The following SLC8A1 variants were observed in gnomAD, a reference collection of about 807,000 sequenced individuals.
SLC8A1 encodes sodium/calcium exchanger 1.
In SLC8A1, 18 loss-of-function variants were observed where a neutral mutation model predicts 68.3. The ratio of observed to expected loss-of-function variants is 0.26; its 90% CI spans 0.18 to 0.39. The LOEUF (loss-of-function observed/expected upper bound fraction) is 0.39. Ranked by LOEUF, SLC8A1 falls within the 10% of genes least tolerant of loss-of-function variation. The pLI, the probability that SLC8A1 is intolerant of heterozygous loss-of-function variation, is 1.00. For missense variants in SLC8A1, 985 were observed against 1,156.7 expected (o/e 0.85, Z 2.15); for synonymous variants, 475 against 415.5 (o/e 1.14, Z -1.74).
intron 2 of SLC8A1, among the ~76,000 whole-genome samples, chr2:40,259,150 C>A (rs1451424966): frequency 6.6e-6 from 1 of 152,012 alleles, no homozygotes; most frequent in Non-Finnish European, 1.5e-5. Flanking sequence ...TGAAATGGAC[C>A]CTAGAGGTAA....
At chr2:40,397,068 C>A (rs917736447) in intron 2 of SLC8A1, among the ~76,000 whole-genome samples, 2 of 152,108 alleles carry the variant, frequency 1.3e-5, no homozygotes, top group African/African-American at 4.8e-5. Flanking sequence ...AAGAGTGGAT[C>A]CGTGGATCAG....
intron 2 of SLC8A1, among the ~76,000 whole-genome samples, chr2:40,234,005 T>C (rs4952596): frequency 0.16 from 24,488 of 152,140 alleles, 2,595 homozygotes; most frequent in African/African-American, 0.29. Flanking sequence ...TGTAGCCTTG[T>C]AGTATATAGT....
intron 2 of SLC8A1, among the ~76,000 whole-genome samples, chr2:40,208,806 T>G (rs1226764051): frequency 1.3e-5 from 2 of 152,114 alleles, no homozygotes; most frequent in Admixed American, 6.6e-5. Context: ...TCTCCTCTCA[T>G]GTATCCATTT....
At chr2:40,441,052 C>G (rs776746976) in intron 1 of SLC8A1, among the ~76,000 whole-genome samples, 1 of 152,148 alleles carries the variant, frequency 6.6e-6, no homozygotes, top group African/African-American at 2.4e-5. Context: ...CCCAAAAACT[C>G]CTTAAGCTGA....
intron 2 of SLC8A1, among the ~76,000 whole-genome samples, chr2:40,391,458 C>A (rs1576013895): frequency 6.6e-6 from 1 of 150,694 alleles, no homozygotes; most frequent in Admixed American, 6.6e-5. Flanking sequence ...TGGCTGGTGG[C>A]AAACTAGGAG....
intron 2 of SLC8A1, among the ~76,000 whole-genome samples, chr2:40,303,432 A>C (rs1481764809): frequency 6.6e-6 from 1 of 152,210 alleles, no homozygotes; most frequent in Non-Finnish European, 1.5e-5. Context: ...GCTTTGCTAC[A>C]AAATGCACTA....
In SLC8A1 at chr2:40,243,406, C is replaced by T. The variant is rs756992074; in HGVS notation, c.1809-65551G>A. 3.3e-5 allele frequency among the ~76,000 whole-genome samples: 5 copies of T among 152,170 alleles called. No individual in the cohort carries two copies. The South Asian group carries it at 6.2e-4, about 19-fold the overall frequency. On this transcript the variant is annotated intron_variant, in intron 2 of 7. Transcript: ENST00000406785. ...AGCTGAGATGGGAGGATCACTTGAG[C>T]CTAGGAGGTAGATGTTATAGTGACC...
chr2:40,494,429 G>A (rs893853916), intron 1 of SLC8A1, among the ~76,000 whole-genome samples: 1 of 151,776 alleles, frequency 6.6e-6, no homozygotes, highest in East Asian at 1.9e-4. Flanking sequence ...TTGGTTCCAA[G>A]TCTTTGCTAT....
At chr2:40,180,239 TA>T (rs2049236290) in intron 2 of SLC8A1, among the ~76,000 whole-genome samples, 1 of 135,280 alleles carries the variant, frequency 7.4e-6, no homozygotes, top group African/African-American at 2.7e-5. Context: ...ATCTTTAGTA[TA>T]AAAAATTATT....
At chr2:40,133,717 A>G (rs2039914528) in intron 7 of SLC8A1, among the ~76,000 whole-genome samples, 1 of 135,232 alleles carries the variant, frequency 7.4e-6, no homozygotes, top group Non-Finnish European at 1.6e-5. Flanking sequence ...CCCCCCACCG[A>G]CTCATCAGTA....
At chr2:40,236,427 G>A (rs2060380143) in intron 2 of SLC8A1, among the ~76,000 whole-genome samples, 2 of 152,124 alleles carry the variant, frequency 1.3e-5, no homozygotes, top group Non-Finnish European at 2.9e-5. Context: ...TGCAAACCCT[G>A]CCTTTTTTTG....
At chr2:40,374,877 A>C (rs1163055827) in intron 2 of SLC8A1, among the ~76,000 whole-genome samples, 1 of 152,086 alleles carries the variant, frequency 6.6e-6, no homozygotes, top group Non-Finnish European at 1.5e-5. Context: ...GAAAATACAG[A>C]CTAGCCATTT....
intron 2 of SLC8A1, among the ~76,000 whole-genome samples, chr2:40,268,570 C>T (rs1025494417): frequency 2.0e-5 from 3 of 152,112 alleles, no homozygotes; most frequent in Non-Finnish European, 2.9e-5. Context: ...CTCTATATTC[C>T]ACGCTGAAAA....
At chr2:40,463,659 G>T (rs1703469941) in intron 1 of SLC8A1, among the ~76,000 whole-genome samples, 1 of 152,064 alleles carries the variant, frequency 6.6e-6, no homozygotes, top group South Asian at 2.1e-4. Context: ...GGTCTCCTGT[G>T]TGATTATTAG....
At chr2:40,157,329 G>T (rs368296046) in intron 6 of SLC8A1, among the ~76,000 whole-genome samples, 6 of 147,982 alleles carry the variant, frequency 4.1e-5, no homozygotes, top group African/African-American at 1.2e-4. Flanking sequence ...AGATTCTGAG[G>T]TGTGAGCGAA....
intron 2 of SLC8A1, among the ~76,000 whole-genome samples, chr2:40,325,108 G>A (rs962109054): frequency 6.6e-6 from 1 of 151,292 alleles, no homozygotes; most frequent in Non-Finnish European, 1.5e-5. Context: ...GACAGAGTCT[G>A]TAGAGAAAAA....
At chr2:40,102,105 T>C (rs1181652858) in exon 8 of SLC8A1, 3 of 152,190 alleles carry the variant, frequency 2.0e-5, no homozygotes, top group Admixed American at 1.3e-4. Flanking sequence ...AGTTTAATTA[T>C]AGAGAATCTT....
chr2:40,219,120 T>A (rs1047814614), intron 2 of SLC8A1, among the ~76,000 whole-genome samples: 2 of 152,168 alleles, frequency 1.3e-5, no homozygotes. Flanking sequence ...TCTCCTAATC[T>A]TGGGGAACCC....
intron 1 of SLC8A1, among the ~76,000 whole-genome samples, chr2:40,448,994 G>A (rs1701943062): frequency 6.6e-6 from 1 of 151,830 alleles, no homozygotes; most frequent in Non-Finnish European, 1.5e-5. Flanking sequence ...CTCTTCTAGA[G>A]GCTGCATTTC....
Sources: gnomAD v4.1 joint callset for allele counts (sites outside exome capture counted in the v4.1 genomes callset) on GRCh38, gnomAD v4.1.1 for gene constraint, MANE v1.5 for transcripts, NCBI Gene and HGNC (gene_info 2026-07-23, HGNC 2026-07-21) for gene names.